The following AHRR variants were observed in gnomAD, a reference collection of about 807,000 sequenced individuals.
AHRR encodes ahR repressor.
A neutral mutation model predicts 44.0 loss-of-function variants in AHRR; 28 were observed. The ratio of observed to expected loss-of-function variants is 0.64; its 90% CI spans 0.47 to 0.87. The LOEUF is 0.87. Among genes scored for constraint, AHRR ranks in the 40% least tolerant of loss-of-function variants. The pLI is 0.00. For synonymous variants in AHRR, 434 were observed against 407.0 expected (o/e 1.07, Z -0.80); for missense variants, 990 against 953.9 (o/e 1.04, Z -0.50).
At chr5:407,339 C>T (rs1366897399) in intron 4 of AHRR, among the ~76,000 whole-genome samples, 5 of 152,124 alleles carry the variant, frequency 3.3e-5, no homozygotes, top group Non-Finnish European at 7.4e-5. Context: ...TTTTTTGTGT[C>T]TCGAGATGTT....
At chr5:403,497 G>C (rs1224054161) in intron 4 of AHRR, among the ~76,000 whole-genome samples, 4 of 152,068 alleles carry the variant, frequency 2.6e-5, no homozygotes, top group Non-Finnish European at 4.4e-5. Context: ...TTAGCTGGGT[G>C]TGGTGGCGCA....
At chr5:333,017 G>A (rs771155066) in intron 1 of AHRR, among the ~76,000 whole-genome samples, 12 of 141,518 alleles carry the variant, frequency 8.5e-5, no homozygotes, top group South Asian at 2.2e-4. Context: ...TTTGGTTTCC[G>A]TCTGTGTGGA....
At chr5:413,014 G>A (rs1281118529) in intron 4 of AHRR, among the ~76,000 whole-genome samples, 1 of 152,104 alleles carries the variant, frequency 6.6e-6, no homozygotes, top group African/African-American at 2.4e-5. Context: ...GTAGGAGGAG[G>A]TACGTGGGCA....
chr5:330,229 G>GT (rs1290922682), intron 1 of AHRR, among the ~76,000 whole-genome samples: 4 of 152,218 alleles, frequency 2.6e-5, no homozygotes, highest in African/African-American at 9.6e-5. Flanking sequence ...TGATCGTATG[G>GT]TTTTTGTCCT....
chr5:415,681 G>C (rs964610365), intron 5 of AHRR, among the ~76,000 whole-genome samples: 98 of 146,854 alleles, frequency 6.7e-4, no homozygotes, highest in Middle Eastern at 3.6e-3. Flanking sequence ...GCCTGGTCGG[G>C]CGGGAGGCCT....
chr5:429,489 C>T (rs1736624144), intron 8 of AHRR, among the ~76,000 whole-genome samples: 1 of 152,222 alleles, frequency 6.6e-6, no homozygotes, highest in African/African-American at 2.4e-5. Context: ...CGGCCCTGCC[C>T]CTGCCCCCTG....
chr5:435,374 G>C lies in AHRR; in HGVS notation c.*540G>C. 2 of 155,070 alleles carry C rather than the reference G, an allele frequency of 1.3e-5. No homozygotes were observed. Among genetic ancestry groups the C allele is most frequent in the Non-Finnish European group, 2.9e-5 (2 of 69,862 alleles). 9.6% of individuals were successfully genotyped at this position (155,070 alleles called of 1,614,324 possible). A position where few individuals can be genotyped will look rare whatever the true frequency, so the allele number is the denominator to read the frequency against. On this transcript the variant is annotated 3_prime_UTR_variant, in exon 11 of 11. Transcript: ENST00000684583. ...TCGCCACAGTGCACTGTAGAGGCCAGCACACGGCAAATTAGAAATACAACA... is the reference window on the plus strand; with the variant it reads ...TCGCCACAGTGCACTGTAGAGGCCACCACACGGCAAATTAGAAATACAACA...
chr5:403,666 A>G (rs532030080), intron 4 of AHRR: 1 of 619,612 alleles, frequency 1.6e-6, no homozygotes, highest in African/African-American at 2.0e-5. Flanking sequence ...TAACCACTTT[A>G]AATAGTTAAA....
rs753062015 is a variant in AHRR, at chr5:423,861, A to T, written c.592A>T (p.Arg198Trp). Reference protein sequence around the residue: ...LETGDDAILGRLLRAQEWGTG... With the variant: ...LETGDDAILGWLLRAQEWGTG... Reference sequence around the variant, plus strand: ...TGCAGGAGATGATGCTATCCTGGGGAGGCTGCTCAGGGCCCAGGAGTGGGG... The same window carrying T: ...TGCAGGAGATGATGCTATCCTGGGGTGGCTGCTCAGGGCCCAGGAGTGGGG... Residue 198 changes from arginine (R) to tryptophan (W), a missense_variant, in exon 7 of 11, where the codon AGG (arginine) becomes TGG (tryptophan). By Grantham distance (101) the Arg-to-Trp change is moderately radical. Transcript: ENST00000684583. 8.1e-6 allele frequency: 13 copies of T among 1,605,170 alleles called. No individual in the cohort carries two copies. Among genetic ancestry groups the T allele is most frequent in the African/African-American group, 1.3e-5 (1 of 74,894 alleles).
At chr5:373,693 C>T (rs1346094314) in intron 3 of AHRR, among the ~76,000 whole-genome samples, 2 of 151,750 alleles carry the variant, frequency 1.3e-5, no homozygotes, top group Non-Finnish European at 3.0e-5. Flanking sequence ...GGTGGGACCC[C>T]CAGGCTCAGG....
intron 4 of AHRR, among the ~76,000 whole-genome samples, chr5:402,141 T>G (rs1735038652): frequency 6.6e-6 from 1 of 152,170 alleles, no homozygotes; most frequent in Non-Finnish European, 1.5e-5. Context: ...GAAAAGGACC[T>G]GATAGACGCT....
Position 432,886 on chromosome 5 carries a change from G to T in AHRR, c.1051G>T (p.Ala351Ser). The change falls in exon 10 of 11, where the codon GCC becomes TCC. Residue 351 changes from alanine to serine, a missense_variant. By Grantham distance (99) the Ala-to-Ser change is moderately conservative. Transcript: ENST00000684583. ...CCGATGGGCACAGGTTCCCGCCAGGGCCCCATGCCTGTGCCTCCGGGGTGG... is the reference window on the plus strand; with the variant it reads ...CCGATGGGCACAGGTTCCCGCCAGGTCCCCATGCCTGTGCCTCCGGGGTGG... ...AGRWAQVPARAPCLCLRGGPD... is the reference protein window; with the variant it reads ...AGRWAQVPARSPCLCLRGGPD... 1 of 1,613,670 alleles carries T rather than the reference G, an allele frequency of 6.2e-7. No homozygotes were observed. The highest frequency in any genetic ancestry group is 8.5e-7 in the Non-Finnish European group (1 of 1,180,010).
intron 1 of AHRR, among the ~76,000 whole-genome samples, chr5:331,911 A>G (rs1741929065): frequency 6.6e-6 from 1 of 152,258 alleles, no homozygotes; most frequent in South Asian, 2.1e-4. Flanking sequence ...TGTCTTCCAC[A>G]AAACCAGTAC....
At chr5:364,895 TAGAG>T (rs535383721) in intron 3 of AHRR, among the ~76,000 whole-genome samples, 141 of 152,116 alleles carry the variant, frequency 9.3e-4, no homozygotes, top group Middle Eastern at 3.4e-3. Flanking sequence ...TCACTGGAGA[TAGAG>T]AGAATCACTA....
intron 4 of AHRR, among the ~76,000 whole-genome samples, chr5:402,275 A>G (rs1210911836): frequency 6.6e-6 from 1 of 152,196 alleles, no homozygotes; most frequent in Non-Finnish European, 1.5e-5. Context: ...CAGCTGTTTC[A>G]AAAAGATGGA....
intron 3 of AHRR, chr5:368,071 A>G (rs954415004): frequency 1.7e-6 from 1 of 605,566 alleles, no homozygotes; most frequent in Non-Finnish European, 3.0e-6. Context: ...GTTACATAAC[A>G]TAATAAATTT....
chr5:397,061 A>G (rs2671902), intron 4 of AHRR, among the ~76,000 whole-genome samples: 3 of 122,130 alleles, frequency 2.5e-5, no homozygotes, highest in African/African-American at 3.8e-5. Context: ...GCCCCTGACC[A>G]TCCACGTAGC....
In AHRR at chr5:404,577, A is replaced by C; in HGVS notation, c.352-8767A>C. On this transcript the variant is annotated intron_variant, in intron 4 of 10. Coordinates refer to ENST00000684583, the MANE Select transcript of AHRR (RefSeq NM_001377236.1). The surrounding 1 kb of genome is among the most constrained non-coding windows in gnomAD (Gnocchi z 4.1). ...GCCGGGGCAGGCGATTGGTACTAAA[A>C]TGGTAATTTTTATGTTATGACGGTT... 1 of 249,856 alleles carries C rather than the reference A, an allele frequency of 4.0e-6. No homozygotes were observed. 15.5% of individuals were successfully genotyped at this position (249,856 alleles called of 1,614,324 possible). A position where few individuals can be genotyped will look rare whatever the true frequency, so the allele number is the denominator to read the frequency against.
Position 413,339 on chromosome 5 carries a change from TCTA to T in AHRR, c.352-4_352-2del. ...TTTTTTTTTTTGTTTTGTTTTTTCT[TCTA>T]GTCTCTTAATGGCTTTGCTCTGGTC... On this transcript the variant is annotated splice_acceptor_variant and splice_polypyrimidine_tract_variant and intron_variant, in intron 4 of 10. Transcript: ENST00000684583. 1.3e-6 allele frequency: 2 copies of T among 1,584,028 alleles called. No homozygotes were observed. The highest frequency in any genetic ancestry group is 1.7e-6 in the Non-Finnish European group (2 of 1,168,296).
Sources: gnomAD v4.1 joint callset for allele counts (sites outside exome capture counted in the v4.1 genomes callset) on GRCh38, gnomAD v4.1.1 for gene constraint, Gnocchi (gnomAD v3.1) non-coding constraint, MANE v1.5 for transcripts, NCBI Gene and HGNC (gene_info 2026-07-23, HGNC 2026-07-21) for gene names.